The following CSMD3 variants were observed in gnomAD, a reference collection of about 807,000 sequenced individuals.
The protein encoded by CSMD3 is CUB and sushi domain-containing protein 3.
CSMD3 carries 177 observed loss-of-function variants against 435.2 expected under a neutral mutation model. The ratio of observed to expected loss-of-function variants is 0.41; its 90% CI spans 0.36 to 0.46. The LOEUF (loss-of-function observed/expected upper bound fraction) is 0.46. Ranked by LOEUF, CSMD3 falls within the 20% of genes least tolerant of loss-of-function variation. The pLI is 0.34. For missense variants in CSMD3, 4,265 were observed against 4,504.6 expected, an observed-to-expected ratio of 0.95 and a Z score of 1.52; for synonymous variants, 1,656 against 1,520.5, an observed-to-expected ratio of 1.09 and a Z score of -2.07.
At position 112,576,591 on chromosome 8, in the gene CSMD3, G is replaced by A. The variant is rs1292985146; in HGVS notation, c.3886-2934C>T. 2.6e-5 allele frequency among the ~76,000 whole-genome samples: 4 copies of A among 151,546 alleles called. No homozygotes were observed. The East Asian group carries it at 7.8e-4, about 29-fold the overall frequency. On this transcript the variant is annotated intron_variant, in intron 23 of 70. Transcript: ENST00000297405. ...GTTGCCCATGCTGGAGTGCAATGGT[G>A]TGATTATGACTCACTGCAGCCTCAA...
chr8:113,011,720 T>C (rs2086262269), intron 6 of CSMD3, among the ~76,000 whole-genome samples: 1 of 151,776 alleles, frequency 6.6e-6, no homozygotes, highest in African/African-American at 2.4e-5. Flanking sequence ...ATTAATTTAA[T>C]AAAAGGCCTT....
chr8:113,042,019 T>C (rs1165796817), intron 5 of CSMD3, among the ~76,000 whole-genome samples: 3 of 152,212 alleles, frequency 2.0e-5, no homozygotes, highest in Non-Finnish European at 4.4e-5. Context: ...CTAGAATTAA[T>C]GCTTTGTTGT....
chr8:113,200,774 T>A, intron 3 of CSMD3, among the ~76,000 whole-genome samples: 1 of 151,514 alleles, frequency 6.6e-6, no homozygotes, highest in Non-Finnish European at 1.5e-5. Flanking sequence ...AGCCTTTTAT[T>A]TTTTAATCTC....
At chr8:112,579,176 A>T (rs1283093803) in intron 23 of CSMD3, among the ~76,000 whole-genome samples, 1 of 152,072 alleles carries the variant, frequency 6.6e-6, no homozygotes, top group East Asian at 1.9e-4. Context: ...ATGAGCAACT[A>T]ATTTGGTTAA....
At chr8:113,221,581 G>A (rs572971879) in intron 3 of CSMD3, among the ~76,000 whole-genome samples, 20 of 151,228 alleles carry the variant, frequency 1.3e-4, no homozygotes, top group Non-Finnish European at 2.2e-4. Flanking sequence ...ATTTCTAAGC[G>A]CTTAATCTGT....
chr8:113,320,914 A>G (rs1490111446), intron 1 of CSMD3, among the ~76,000 whole-genome samples: 1 of 151,458 alleles, frequency 6.6e-6, no homozygotes, highest in South Asian at 2.1e-4. Flanking sequence ...GTGTAGATGT[A>G]GCATACCATG....
At chr8:113,219,338 G>A (rs1444500615) in intron 3 of CSMD3, among the ~76,000 whole-genome samples, 1 of 151,018 alleles carries the variant, frequency 6.6e-6, no homozygotes, top group Non-Finnish European at 1.5e-5. Context: ...CTTTAGAGAA[G>A]CAATGATAAA....
intron 1 of CSMD3, among the ~76,000 whole-genome samples, chr8:113,419,998 T>C (rs530040662): frequency 1.8e-4 from 27 of 152,204 alleles, no homozygotes; most frequent in South Asian, 1.5e-3. Context: ...AGAAAGTAAT[T>C]TGAAACTAAC....
chr8:113,280,010 T>G (rs1175943562), intron 2 of CSMD3, among the ~76,000 whole-genome samples: 1 of 151,952 alleles, frequency 6.6e-6, no homozygotes, highest in Admixed American at 6.6e-5. Context: ...ATCTCTGGTG[T>G]CAAACCCACT....
intron 23 of CSMD3, among the ~76,000 whole-genome samples, chr8:112,577,349 A>G (rs1830023215): frequency 6.6e-6 from 1 of 152,104 alleles, no homozygotes; most frequent in Admixed American, 6.6e-5. Flanking sequence ...AACAAAACAA[A>G]CAAAATATGC....
chr8:112,545,787 G>A (rs903371552), intron 27 of CSMD3, among the ~76,000 whole-genome samples: 1 of 152,032 alleles, frequency 6.6e-6, no homozygotes, highest in Non-Finnish European at 1.5e-5. Flanking sequence ...GTCACAAAGC[G>A]GGGATCTAAT....
intron 4 of CSMD3, among the ~76,000 whole-genome samples, chr8:113,103,457 A>T (rs1247499381): frequency 1.3e-5 from 2 of 152,166 alleles, no homozygotes; most frequent in Non-Finnish European, 2.9e-5. Context: ...GTTGTAAAAC[A>T]TGAAGAAAAC....
At chr8:112,851,865 A>G (rs2080499997) in intron 11 of CSMD3, among the ~76,000 whole-genome samples, 2 of 152,164 alleles carry the variant, frequency 1.3e-5, no homozygotes, top group African/African-American at 2.4e-5. Flanking sequence ...AGTATTCCCC[A>G]GTAGAAAGAA....
chr8:113,106,685 A>G (rs2090487198), intron 4 of CSMD3, among the ~76,000 whole-genome samples: 1 of 152,178 alleles, frequency 6.6e-6, no homozygotes, highest in East Asian at 1.9e-4. Context: ...TTCCACTTCC[A>G]TTTATGAGGT....
intron 9 of CSMD3, among the ~76,000 whole-genome samples, chr8:112,925,696 G>A (rs1211681299): frequency 6.6e-6 from 1 of 152,172 alleles, no homozygotes; most frequent in Non-Finnish European, 1.5e-5. Flanking sequence ...AAGGTAGGAA[G>A]AAAGGAGCCT....
chr8:112,853,843 T>C (rs888627783), intron 11 of CSMD3, among the ~76,000 whole-genome samples: 3 of 152,228 alleles, frequency 2.0e-5, no homozygotes, highest in African/African-American at 7.2e-5. Flanking sequence ...TTCTGCCCTT[T>C]GATATTTGGG....
intron 60 of CSMD3, among the ~76,000 whole-genome samples, chr8:112,264,363 A>G (rs1816735656): frequency 6.6e-6 from 1 of 152,134 alleles, no homozygotes; most frequent in African/African-American, 2.4e-5. Flanking sequence ...AATTTTTTTA[A>G]AAAATGTATT....
chr8:113,001,785 G>A (rs2085873318), intron 6 of CSMD3, among the ~76,000 whole-genome samples: 1 of 151,906 alleles, frequency 6.6e-6, no homozygotes, highest in South Asian at 2.1e-4. Flanking sequence ...GTTATTCGAG[G>A]ACCTGCTGTA....
chr8:112,296,804 C>A (rs1250590211), intron 53 of CSMD3, among the ~76,000 whole-genome samples: 1 of 151,702 alleles, frequency 6.6e-6, no homozygotes, highest in Admixed American at 6.6e-5. Flanking sequence ...GTTAAAAATT[C>A]TTTCTCTAAA....
Sources: gnomAD v4.1 joint callset for allele counts (sites outside exome capture counted in the v4.1 genomes callset) on GRCh38, gnomAD v4.1.1 for gene constraint, MANE v1.5 for transcripts, NCBI Gene and HGNC (gene_info 2026-07-23, HGNC 2026-07-21) for gene names.